HPD: variants seen among roughly 807,000 people sequenced by gnomAD.
HPD encodes the protein 4-hydroxyphenylpyruvate dioxygenase.
In HPD, 35 loss-of-function variants were observed where a neutral mutation model predicts 56.9. That is an observed-to-expected ratio of 0.62 (90% confidence interval 0.47 to 0.82). HPD has a LOEUF of 0.82. Ranked by LOEUF, HPD falls within the 40% of genes least tolerant of loss-of-function variation. The pLI is 0.00. For synonymous variants in HPD, 186 were observed against 200.2 expected (o/e 0.93, Z 0.60); for missense variants, 442 against 506.8 (o/e 0.87, Z 1.23).
At chr12:121,849,863 G>T in intron 7 of HPD, 73 bp from the exon 8 acceptor site, 4 of 976,740 alleles carry the variant, frequency 4.1e-6, no homozygotes, top group Non-Finnish European at 1.6e-6. Context: ...ATTTCATAGC[G>T]CTAACGTAGC....
chr12:121,844,721 C>CA (rs200446497), intron 11 of HPD, among the ~76,000 whole-genome samples: 28 of 147,414 alleles, frequency 1.9e-4, no homozygotes, highest in East Asian at 4.0e-4. Context: ...ACTAAAAATA[C>CA]AAAAAAAAAA....
chr12:121,859,234 T>C (rs1267830002), upstream of HPD: 5 of 325,312 alleles, frequency 1.5e-5, no homozygotes, highest in Non-Finnish European at 3.0e-5. Context: ...GGCCCCAAAG[T>C]CCTGTTTGCG....
At chr12:121,847,855 G>A (rs1425446425) in intron 9 of HPD, among the ~76,000 whole-genome samples, 1 of 151,880 alleles carries the variant, frequency 6.6e-6, no homozygotes, top group African/African-American at 2.4e-5. Flanking sequence ...TGTAGAGATG[G>A]GGTCTCACTA....
intron 3 of HPD, 98 bp downstream of exon 3, chr12:121,857,659 C>T: frequency 9.1e-7 from 1 of 1,098,608 alleles, no homozygotes; most frequent in Non-Finnish European, 1.4e-6. Flanking sequence ...GATCCTCCCT[C>T]CCAAGGGCCA....
chr12:121,851,153 T>C lies in HPD; in HGVS notation c.415-1363A>G, dbSNP rs1337445919. 2.0e-5 allele frequency among the ~76,000 whole-genome samples: 3 copies of C among 151,084 alleles called. No homozygotes were observed. In the South Asian group the frequency reaches 6.4e-4, roughly 32 times the overall value. On this transcript the variant is annotated intron_variant, in intron 7 of 13. Coordinates refer to ENST00000289004, the MANE Select transcript of HPD (RefSeq NM_002150.3). ...CTGGGATTACAAGCATGAGCCACCG[T>C]GCCCAGCCCCACACCTGGCTAATTT... is the stretch of plus-strand genomic sequence containing the variant.
At chr12:121,885,909 A>G in the HPD span, among the ~76,000 whole-genome samples, 1 of 150,246 alleles carries the variant, frequency 6.7e-6, no homozygotes, top group African/African-American at 2.4e-5. Flanking sequence ...CAGTGAGCCG[A>G]GATCTCGCCA....
chr12:121,860,269 A>G (rs929397845), upstream of HPD, among the ~76,000 whole-genome samples: 4 of 152,088 alleles, frequency 2.6e-5, no homozygotes, highest in Non-Finnish European at 4.4e-5. Context: ...TAGCCTGCCT[A>G]TCCCCTCCAG....
chr12:121,880,296 A>G, the HPD span, among the ~76,000 whole-genome samples: 1 of 151,000 alleles, frequency 6.6e-6, no homozygotes, highest in African/African-American at 2.4e-5. Context: ...TCTGCCTCCC[A>G]GGTTTAAGAG....
chr12:121,839,864 GCCAAGGAC>G lies in HPD; in HGVS notation c.1072-34_1072-27del, dbSNP rs751293031. ...CTGTGGCGGGAAAGAGAGGAGATGA[GCCAAGGAC>G]CCAGAAAACCGAGTGTGCTAGCTGC... On this transcript the variant is annotated intron_variant, in intron 13 of 13. Transcript: ENST00000289004. The G allele has an allele frequency of 2.0e-5, 32 of 1,610,660 alleles. No homozygotes were observed. In the South Asian group the frequency reaches 3.1e-4, roughly 15 times the overall value.
chr12:121,851,841 C>G (rs1416027368), intron 7 of HPD, among the ~76,000 whole-genome samples: 2 of 31,044 alleles, frequency 6.4e-5, no homozygotes, highest in Middle Eastern at 0.021. Flanking sequence ...TCCCGAGTAG[C>G]TGGGACTACA....
upstream of HPD, among the ~76,000 whole-genome samples, chr12:121,861,092 T>C (rs1482915464): frequency 2.0e-5 from 3 of 152,042 alleles, no homozygotes; most frequent in African/African-American, 7.2e-5. Flanking sequence ...TCCTAGCACT[T>C]TAGGAGGCTG....
intron 2 of HPD, 122 bp from the exon 3 acceptor site, chr12:121,857,941 C>T (rs529871923): frequency 1.7e-4 from 128 of 767,622 alleles, no homozygotes; most frequent in African/African-American, 1.5e-3. Flanking sequence ...TTAGGAGCAG[C>T]GGAACCCCAT....
At chr12:121,848,959 C>A in intron 9 of HPD, 40 bp downstream of exon 9, 1 of 1,455,572 alleles carries the variant, frequency 6.9e-7, no homozygotes, top group Non-Finnish European at 9.7e-7. Context: ...ACCGTGAGGA[C>A]CCGTCATCTT....
chr12:121,871,909 A>T, the HPD span, among the ~76,000 whole-genome samples: 1 of 150,930 alleles, frequency 6.6e-6, no homozygotes, highest in Admixed American at 6.6e-5. Flanking sequence ...TGTCCTGGAG[A>T]TTTCTTTTCT....
chr12:121,858,820 C>T lies in HPD; in HGVS notation c.3+1G>A, dbSNP rs1878100283. 1 of 1,614,162 alleles carries T rather than the reference C, an allele frequency of 6.2e-7. No homozygotes were observed. Among genetic ancestry groups the T allele is most frequent in the East Asian group, 2.2e-5 (1 of 44,884 alleles). On this transcript the variant is annotated splice_donor_variant, in intron 1 of 13. Coordinates refer to ENST00000289004, the MANE Select transcript of HPD (RefSeq NM_002150.3). LOFTEE classifies it high-confidence loss of function. ...CAAGGGGAGATGGCCATGGCACTTA[C>T]CATGATTGATCTTAGTCAAACCTCC...
upstream of HPD, among the ~76,000 whole-genome samples, chr12:121,864,579 C>G (rs191714790): frequency 4.3e-5 from 6 of 140,956 alleles, no homozygotes; most frequent in African/African-American, 1.6e-4. Flanking sequence ...AATGGCCGGG[C>G]GCAGTGGCTC....
At position 121,840,020 on chromosome 12, in the gene HPD, T is replaced by C. The variant is rs1376913263; in HGVS notation, c.983A>G (p.Glu328Gly). 3.1e-6 allele frequency: 5 copies of C among 1,613,694 alleles called. No homozygotes were observed. In the South Asian group the frequency reaches 5.5e-5, roughly 18 times the overall value. The change falls in exon 13 of 14, where the codon GAG (glutamate) becomes GGG (glycine). Residue 328 changes from glutamate to glycine, a missense_variant. By Grantham distance (98) the Glu-to-Gly change is moderately conservative. Coordinates refer to ENST00000289004, the MANE Select transcript of HPD (RefSeq NM_002150.3). ...GAAGATCTGCAGGAGGTAGCCTTTC[T>C]CGTCGTAGTCCACCAGGATTTTCAG... ...EELKILVDYD[E>G]KGYLLQIFTK... is the part of the protein sequence containing the mutation.
chr12:121,865,583 CAAAAAAAAGGAAA>C (rs1878305811), upstream of HPD, among the ~76,000 whole-genome samples: 4 of 132,036 alleles, frequency 3.0e-5, no homozygotes, highest in Admixed American at 7.7e-5. Context: ...CACTCTCTTT[CAAAAAAAAGGAAA>C]AAAAAAAAGA....
Position 121,840,004 on chromosome 12 carries a change from C to CAG in HPD, c.997_998dup (p.Gln334CysfsTer123), listed in dbSNP as rs768010518. Reference sequence around the variant, plus strand: ...CCTGCACCGGTTTGGTGAAGATCTGCAGGAGGTAGCCTTTCTCGTCGTAGT... The same window carrying CAG: ...CCTGCACCGGTTTGGTGAAGATCTGCAGAGGAGGTAGCCTTTCTCGTCGTAGT... On this transcript the variant is annotated frameshift_variant, in exon 13 of 14. Transcript: ENST00000289004. LOFTEE classifies it high-confidence loss of function. The CAG allele has an allele frequency of 6.2e-7, 1 of 1,613,726 alleles. No individual in the cohort carries two copies. Among genetic ancestry groups the CAG allele is most frequent in the Non-Finnish European group, 8.5e-7 (1 of 1,179,896 alleles).
Sources: gnomAD v4.1 joint callset for allele counts (sites outside exome capture counted in the v4.1 genomes callset) on GRCh38, gnomAD v4.1.1 for gene constraint, MANE v1.5 for transcripts, NCBI Gene and HGNC (gene_info 2026-07-23, HGNC 2026-07-21) for gene names.